The following ASB14 variants were observed in gnomAD, a reference collection of about 807,000 sequenced individuals.
ASB14 encodes ankyrin repeat and SOCS box protein 14.
ASB14 carries 63 observed loss-of-function variants against 55.6 expected under a neutral mutation model. The ratio of observed to expected loss-of-function variants is 1.13; its 90% confidence interval spans 0.92 to 1.40. ASB14 has a LOEUF of 1.40. Among genes scored for constraint, ASB14 ranks in the 40% most tolerant of loss-of-function variants. ASB14 has a pLI of 0.00. For missense variants in ASB14, 724 were observed against 710.4 expected (o/e 1.02, Z -0.22); for synonymous variants, 256 against 259.9 (o/e 0.98, Z 0.15).
intron 6 of ASB14, among the ~76,000 whole-genome samples, chr3:57,280,701 G>A (rs2061033489): frequency 6.6e-6 from 1 of 152,258 alleles, no homozygotes; most frequent in African/African-American, 2.4e-5. Context: ...GTTAGTTTTT[G>A]AAGTAATTTG....
intron 5 of ASB14, among the ~76,000 whole-genome samples, chr3:57,283,840 AAAAAAAC>A (rs960990274): frequency 3.3e-5 from 5 of 152,070 alleles, no homozygotes; most frequent in South Asian, 2.1e-4. Context: ...AAAAATTAAA[AAAAAAAC>A]AAAAACAAAA....
At chr3:57,274,163 A>G (rs542175208) in intron 10 of ASB14, among the ~76,000 whole-genome samples, 46 of 152,322 alleles carry the variant, frequency 3.0e-4, no homozygotes, top group Non-Finnish European at 1.0e-4. Flanking sequence ...CTACACTAGA[A>G]AAAAAATCAT....
Position 57,287,958 on chromosome 3 carries a change from G to C in ASB14, c.412C>G (p.Leu138Val). 6.5e-7 allele frequency: 1 copy of C among 1,537,218 alleles called. No individual in the cohort carries two copies. Among genetic ancestry groups the C allele is most frequent in the South Asian group, 1.2e-5 (1 of 84,066 alleles). The change falls in exon 5 of 11, where the codon CTC becomes GTC. Residue 138 changes from leucine (L) to valine (V), a missense_variant. Leu to Val is a conservative substitution (Grantham distance 32). Coordinates refer to ENST00000487349, the MANE Select transcript of ASB14 (RefSeq NM_001142733.3). ...TTAGCATTTGGATTGCAGCCATTGA[G>C]AAGAAGAAAAGTGGCATTTTCTAAG... ...CLLENATFLL[L>V]NGCNPNAKNF...
In ASB14 at chr3:57,268,410, T is replaced by G. The variant is rs762326240; in HGVS notation, c.*1231A>C. 6.3e-7 allele frequency: 1 copy of G among 1,584,116 alleles called. No individual in the cohort carries two copies. The highest frequency in any genetic ancestry group is 1.1e-5 in the South Asian group (1 of 89,312). On this transcript the variant is annotated 3_prime_UTR_variant, in exon 11 of 11. Coordinates refer to ENST00000487349, the MANE Select transcript of ASB14 (RefSeq NM_001142733.3). The stretch of plus-strand genomic sequence containing the variant: ...ATCTGTTCTTTAGGATCGTAGGGCA[T>G]CAGAAAAACAAAAAGAAATAGAGAG...
At chr3:57,290,232 C>G (rs1262112758) in intron 2 of ASB14, among the ~76,000 whole-genome samples, 2 of 152,160 alleles carry the variant, frequency 1.3e-5, no homozygotes, top group Admixed American at 6.5e-5. Flanking sequence ...GGGCTCTGTT[C>G]CTTCTGGAGG....
chr3:57,270,488 A>G (rs1247525268), intron 10 of ASB14: 9 of 152,642 alleles, frequency 5.9e-5, no homozygotes, highest in Admixed American at 5.2e-4. Flanking sequence ...TTAGATTAGG[A>G]TTGACAAGTA....
intron 7 of ASB14, among the ~76,000 whole-genome samples, chr3:57,279,264 CTTTTTT>C (rs869152915): frequency 3.4e-5 from 3 of 88,030 alleles, no homozygotes; most frequent in Admixed American, 1.3e-4. Flanking sequence ...AAGAGTTTTT[CTTTTTT>C]TTTTTTTTTT....
intron 10 of ASB14, 182 bp from the exon 11 acceptor site, chr3:57,269,800 C>A: frequency 8.2e-7 from 1 of 1,226,186 alleles, no homozygotes; most frequent in Non-Finnish European, 1.1e-6. Flanking sequence ...TTTATATTTG[C>A]TTATTTGTTG....
chr3:57,275,764 C>T (rs2060980711), intron 10 of ASB14, among the ~76,000 whole-genome samples: 1 of 152,134 alleles, frequency 6.6e-6, no homozygotes, highest in Non-Finnish European at 1.5e-5. Flanking sequence ...CACACTAGGC[C>T]ATGTGTTATA....
intron 5 of ASB14, among the ~76,000 whole-genome samples, chr3:57,284,094 A>ATGTGTGTGTGTGTGTGTG (rs147304310): frequency 0.07 from 9,551 of 136,274 alleles, 416 homozygotes; most frequent in African/African-American, 0.096. Flanking sequence ...AACACTGTGT[A>ATGTGTGTGTGTGTGTGTG]TGTGTGTGTG....
intron 2 of ASB14, among the ~76,000 whole-genome samples, chr3:57,290,021 A>G (rs556197204): frequency 2.0e-5 from 3 of 152,294 alleles, no homozygotes; most frequent in Admixed American, 6.5e-5. Context: ...CCTGTTTACA[A>G]TTTGGTCAAT....
chr3:57,284,094 A>ATGTGTG (rs147304310), intron 5 of ASB14, among the ~76,000 whole-genome samples: 26,232 of 136,454 alleles, frequency 0.19, 2,842 homozygotes, highest in Non-Finnish European at 0.24. Context: ...AACACTGTGT[A>ATGTGTG]TGTGTGTGTG....
At position 57,279,733 on chromosome 3, in the gene ASB14, CCTT is replaced by C. The variant is rs2061023636; in HGVS notation, c.887+566_887+568del. 2.0e-5 allele frequency among the ~76,000 whole-genome samples: 3 copies of C among 151,978 alleles called. No homozygotes were observed. In the South Asian group the frequency reaches 6.2e-4, roughly 32 times the overall value. ...TATTAAAATTATAGAAAGAAGCACA[CCTT>C]CTTGGAAGGCCGGGAGGTTTTGCAA... On this transcript the variant is annotated intron_variant, in intron 7 of 10. Coordinates refer to ENST00000487349, the MANE Select transcript of ASB14 (RefSeq NM_001142733.3).
intron 10 of ASB14, chr3:57,270,414 G>C (rs1428117521): frequency 2.0e-5 from 3 of 152,596 alleles, no homozygotes; most frequent in Admixed American, 2.0e-4. Context: ...AATTACTGCT[G>C]CAGAGCAGTA....
At chr3:57,276,058 T>G in intron 10 of ASB14, among the ~76,000 whole-genome samples, 1 of 152,146 alleles carries the variant, frequency 6.6e-6, no homozygotes, top group Non-Finnish European at 1.5e-5. Context: ...GAGACTACTG[T>G]ATTATATATA....
chr3:57,277,015 C>T (rs1439431576), intron 9 of ASB14, among the ~76,000 whole-genome samples: 1 of 152,128 alleles, frequency 6.6e-6, no homozygotes, highest in East Asian at 1.9e-4. Context: ...CCTGTAATCC[C>T]AGCACTCTGG....
intron 10 of ASB14, chr3:57,272,097 G>GACTT (rs774766494): frequency 2.6e-5 from 4 of 152,094 alleles, no homozygotes; most frequent in African/African-American, 2.4e-5. Context: ...CTCACATTCA[G>GACTT]ACTTACACTT....
chr3:57,283,023 T>A (rs1222537826), intron 6 of ASB14, 171 bp downstream of exon 6: 1 of 537,540 alleles, frequency 1.9e-6, no homozygotes, highest in Non-Finnish European at 2.4e-6. Flanking sequence ...TAATAAAAAA[T>A]TCAGTCTTTA....
chr3:57,280,807 ATAAC>A lies in ASB14; in HGVS notation c.716-338_716-335del, dbSNP rs530058376. 8.6e-3 allele frequency among the ~76,000 whole-genome samples: 1,306 copies of A among 152,132 alleles called. 11 individuals carry two copies. The highest frequency in any genetic ancestry group is 0.03 in the African/African-American group (1,244 of 41,360). Reference sequence around the variant, plus strand: ...CAGCCTATAAAAGCCCACTTAACTCATAACACACATATAGGATGGTACTAACAAA... The same window carrying A: ...CAGCCTATAAAAGCCCACTTAACTCAACACATATAGGATGGTACTAACAAA... On this transcript the variant is annotated intron_variant, in intron 6 of 10. Transcript: ENST00000487349.
Sources: gnomAD v4.1 joint callset for allele counts (sites outside exome capture counted in the v4.1 genomes callset) on GRCh38, gnomAD v4.1.1 for gene constraint, MANE v1.5 for transcripts, NCBI Gene and HGNC (gene_info 2026-07-23, HGNC 2026-07-21) for gene names.